DNASE1: variants seen among roughly 807,000 people sequenced by gnomAD.
DNASE1 encodes deoxyribonuclease 1, also known as deoxyribonuclease-1.
A neutral mutation model predicts 33.9 loss-of-function variants in DNASE1; 40 were observed. The ratio of observed to expected loss-of-function variants is 1.18; its 90% CI spans 0.92 to 1.54. DNASE1 has a LOEUF of 1.54. DNASE1 is among the 40% of genes most tolerant of loss of function. The pLI is 0.00. For synonymous variants in DNASE1, 216 were observed against 160.0 expected (o/e 1.35, Z -2.64); for missense variants, 518 against 372.6 (o/e 1.39, Z -3.21).
intron 7 of DNASE1, 94 bp downstream of exon 7, chr16:3,657,435 ACACTCACCCAACTGAGCTTC>A (rs966966468): frequency 1.7e-5 from 26 of 1,503,588 alleles, no homozygotes; most frequent in Middle Eastern, 1.8e-4. Flanking sequence ...AAGCCTTTGA[ACACTCACCCAACTGAGCTTC>A]AGTTGATCCA....
chr16:3,658,008 A>G lies in DNASE1; in HGVS notation c.*55A>G. ...AGGAAGAGAGGACCCATCCTGCCACAGGACCCAGAAAAAAAGCCCAACACA... is the reference window on the plus strand; with the variant it reads ...AGGAAGAGAGGACCCATCCTGCCACGGGACCCAGAAAAAAAGCCCAACACA... On this transcript the variant is annotated 3_prime_UTR_variant, in exon 9 of 9. Transcript: ENST00000246949. The G allele has an allele frequency of 1.2e-6, 2 of 1,611,794 alleles. No homozygotes were observed. Among genetic ancestry groups the G allele is most frequent in the Non-Finnish European group, 1.7e-6 (2 of 1,178,856 alleles).
intron 1 of DNASE1, among the ~76,000 whole-genome samples, chr16:3,622,070 A>G (rs2041336107): frequency 6.6e-6 from 1 of 152,120 alleles, no homozygotes; most frequent in African/African-American, 2.4e-5. Context: ...AAAATATAAC[A>G]TTAGCTGGGC....
At chr16:3,643,068 C>T (rs2042069036) in intron 1 of DNASE1, 1 of 152,606 alleles carries the variant, frequency 6.6e-6, no homozygotes, top group Non-Finnish European at 1.5e-5. Context: ...CGCACAGGCT[C>T]TTCTCCCTGG....
intron 1 of DNASE1, among the ~76,000 whole-genome samples, chr16:3,624,968 T>A (rs1289783398): frequency 6.6e-6 from 1 of 152,094 alleles, no homozygotes; most frequent in Non-Finnish European, 1.5e-5. Flanking sequence ...CAGTCTGAGA[T>A]TACAGGTGTG....
At chr16:3,628,364 CAT>C (rs1173322862) in intron 1 of DNASE1, among the ~76,000 whole-genome samples, 1 of 152,010 alleles carries the variant, frequency 6.6e-6, no homozygotes, top group East Asian at 1.9e-4. Flanking sequence ...TTTTACATAT[CAT>C]ATTAAATCTG....
chr16:3,664,603 G>A, exon 10 of DNASE1: 1 of 848,286 alleles, frequency 1.2e-6, no homozygotes, highest in Admixed American at 3.1e-5. Context: ...TGGACTCGGG[G>A]GTTGTCCGAG....
In DNASE1 at chr16:3,656,194, T is replaced by C; in HGVS notation, c.320+9T>C. 3 of 1,613,822 alleles carry C rather than the reference T, an allele frequency of 1.9e-6. No homozygotes were observed. The highest frequency in any genetic ancestry group is 2.5e-6 in the Non-Finnish European group (3 of 1,179,946). ...TACCTGTTCGTGTACAGGTGGGTGGTCTAGAAAGCCAGGAAGCCCCTCCCT... is the reference window on the plus strand; with the variant it reads ...TACCTGTTCGTGTACAGGTGGGTGGCCTAGAAAGCCAGGAAGCCCCTCCCT... On this transcript the variant is annotated intron_variant, in intron 4 of 8. Transcript: ENST00000246949.
At chr16:3,624,919 C>G (rs567098299) in intron 1 of DNASE1, among the ~76,000 whole-genome samples, 34 of 152,208 alleles carry the variant, frequency 2.2e-4, no homozygotes, top group African/African-American at 7.5e-4. Context: ...AGGCTCGTCT[C>G]GAACTGGGCT....
rs780774590 is a variant in DNASE1 at position 3,656,589 on chromosome 16, G to GGGCAGCTTCCAGCCT, written c.321-46_321-32dup. On this transcript the variant is annotated intron_variant, in intron 4 of 8. Coordinates refer to ENST00000246949, the MANE Select transcript of DNASE1 (RefSeq NM_005223.4). ...GCCTGCCTCCTGGGAAGCAGGAGTG[G>GGGCAGCTTCCAGCCT]GGCAGCTTCCAGCCTGGGGTCACCT... The GGGCAGCTTCCAGCCT allele has an allele frequency of 6.6e-6, 10 of 1,511,098 alleles. No homozygotes were observed. The African/African-American group carries it at 1.2e-4, about 19-fold the overall frequency. 93.6% of individuals were successfully genotyped at this position (1,511,098 alleles called of 1,614,324 possible).
At chr16:3,664,558 G>A in exon 10 of DNASE1, 1 of 1,322,482 alleles carries the variant, frequency 7.6e-7, no homozygotes. Context: ...TGGCCTCCTG[G>A]CACTCCAGGC....
At chr16:3,642,446 T>C (rs1206644772), upstream of DNASE1, among the ~76,000 whole-genome samples, 5 of 152,000 alleles carry the variant, frequency 3.3e-5, no homozygotes, top group Non-Finnish European at 5.9e-5. Context: ...TCACACTGAG[T>C]AGGGGCAACC....
At chr16:3,639,745 G>A (rs958024389), upstream of DNASE1, among the ~76,000 whole-genome samples, 1 of 152,188 alleles carries the variant, frequency 6.6e-6, no homozygotes, top group Non-Finnish European at 1.5e-5. Flanking sequence ...TTTTAAATTG[G>A]ATGCTGAATA....
intron 2 of DNASE1, 127 bp downstream of exon 2, chr16:3,655,647 G>A (rs575996434): frequency 2.3e-5 from 34 of 1,486,354 alleles, no homozygotes; most frequent in African/African-American, 5.5e-5. Flanking sequence ...CTCCCAGCAC[G>A]GTGGAACAGG....
At chr16:3,649,636 C>CTCA (rs1371037425) in intron 1 of DNASE1, among the ~76,000 whole-genome samples, 1 of 152,210 alleles carries the variant, frequency 6.6e-6, no homozygotes, top group Non-Finnish European at 1.5e-5. Context: ...TTCACACTTT[C>CTCA]TCAGTTGAGA....
upstream of DNASE1, among the ~76,000 whole-genome samples, chr16:3,641,702 C>G (rs1051775676): frequency 4.6e-5 from 7 of 152,224 alleles, no homozygotes; most frequent in African/African-American, 1.7e-4. Context: ...CAGCTCATGG[C>G]TTCCTGAGGG....
At chr16:3,664,224 C>CCT in exon 10 of DNASE1, 1 of 1,484,158 alleles carries the variant, frequency 6.7e-7, no homozygotes, top group Non-Finnish European at 8.9e-7. Flanking sequence ...AGGTCAAGAC[C>CCT]CTCCCCAGGT....
rs148615668 is a variant in DNASE1 at position 3,655,780 on chromosome 16, C to A, written c.148-69C>A. ...ATGCCACGAGCATCAGCTGTGGCTC[C>A]CTTTGTGGCGCTGTAGGGTCCCTGG... On this transcript the variant is annotated intron_variant, in intron 2 of 8. Coordinates refer to ENST00000246949, the MANE Select transcript of DNASE1 (RefSeq NM_005223.4). 198 of 1,582,102 alleles carry A rather than the reference C, an allele frequency of 1.3e-4. No individual in the cohort carries two copies. In the East Asian group the frequency reaches 2.9e-3, roughly 23 times the overall value.
At chr16:3,618,250 T>TAAA (rs34169414) in intron 1 of DNASE1, among the ~76,000 whole-genome samples, 3 of 120,254 alleles carry the variant, frequency 2.5e-5, no homozygotes, top group African/African-American at 6.1e-5. Context: ...AGCCATTTCC[T>TAAA]AAAAAAAAAA....
upstream of DNASE1, among the ~76,000 whole-genome samples, chr16:3,638,127 G>C (rs1474536679): frequency 6.6e-6 from 1 of 151,370 alleles, no homozygotes; most frequent in African/African-American, 2.4e-5. Flanking sequence ...GTGTGTGTGT[G>C]TGTGTGTGTG....
Sources: gnomAD v4.1 joint callset for allele counts (sites outside exome capture counted in the v4.1 genomes callset) on GRCh38, gnomAD v4.1.1 for gene constraint, MANE v1.5 for transcripts, NCBI Gene and HGNC (gene_info 2026-07-23, HGNC 2026-07-21) for gene names.